ITSN1: variants seen among roughly 807,000 people sequenced by gnomAD.
ITSN1 encodes intersectin 1.
Under a neutral mutation model 239.8 loss-of-function variants are expected in ITSN1, and 58 were observed. The observed-to-expected ratio is 0.24, with a 90% CI of 0.20 to 0.30. ITSN1 has a LOEUF of 0.30. Among genes scored for constraint, ITSN1 ranks in the 10% least tolerant of loss-of-function variants. The pLI, the probability that ITSN1 is intolerant of heterozygous loss-of-function variation, is 1.00. For missense variants in ITSN1, 1,558 were observed against 2,103.3 expected (o/e 0.74, Z 5.07); for synonymous variants, 780 against 770.8 (o/e 1.01, Z -0.20).
chr21:33,874,303 G>A (rs545244306), intron 33 of ITSN1, among the ~76,000 whole-genome samples: 25 of 152,106 alleles, frequency 1.6e-4, no homozygotes, highest in Non-Finnish European at 2.2e-4. Flanking sequence ...TTAGAAAAGC[G>A]CACACTTGCT....
At position 33,766,043 on chromosome 21, in the gene ITSN1, T is replaced by C. The variant is rs773975634; in HGVS notation, c.926+31T>C. The C allele has an allele frequency of 3.7e-6, 6 of 1,611,938 alleles. No homozygotes were observed. In the South Asian group the frequency reaches 4.4e-5, roughly 12 times the overall value. The stretch of plus-strand genomic sequence containing the variant: ...GAACATGGGCTCTGATCAGGAATTG[T>C]ATGCGGAGTATATGAATTCCAAACT... On this transcript the variant is annotated intron_variant, in intron 10 of 39. Coordinates refer to ENST00000381318, the MANE Select transcript of ITSN1 (RefSeq NM_003024.3).
chr21:33,783,066 C>A (rs927814419), intron 16 of ITSN1, among the ~76,000 whole-genome samples: 1 of 151,920 alleles, frequency 6.6e-6, no homozygotes, highest in African/African-American at 2.4e-5. Context: ...AGAACACAAA[C>A]AGTTTATTTC....
intron 1 of ITSN1, among the ~76,000 whole-genome samples, chr21:33,715,579 C>CT (rs2065085323): frequency 6.6e-6 from 1 of 152,060 alleles, no homozygotes; most frequent in African/African-American, 2.4e-5. Context: ...ATCAAGGTTG[C>CT]CTATACAATA....
chr21:33,831,809 A>G (rs756613649), intron 27 of ITSN1, among the ~76,000 whole-genome samples: 1 of 152,178 alleles, frequency 6.6e-6, no homozygotes, highest in Non-Finnish European at 1.5e-5. Context: ...TTGCTGATGG[A>G]CACCCATAAA....
At chr21:33,831,963 C>T (rs2074317298) in intron 27 of ITSN1, among the ~76,000 whole-genome samples, 1 of 152,116 alleles carries the variant, frequency 6.6e-6, no homozygotes, top group African/African-American at 2.4e-5. Context: ...TAGAGTTGTG[C>T]TGTATCACCC....
rs1436327606 is a variant in ITSN1 at position 33,898,468 on chromosome 21, A to G, written c.*10168A>G. ...CAGAAGTCCAGGCTGCTTCTGGGGC[A>G]CAGACTTTCTGTACTTGGCCACCAG... On this transcript the variant is annotated 3_prime_UTR_variant, in exon 40 of 40. Coordinates refer to ENST00000381318, the MANE Select transcript of ITSN1 (RefSeq NM_003024.3). 1 of 152,218 alleles carries G rather than the reference A, an allele frequency of 6.6e-6. No individual in the cohort carries two copies. Among genetic ancestry groups the G allele is most frequent in the Non-Finnish European group, 1.5e-5 (1 of 68,046 alleles). 9.4% of individuals were successfully genotyped at this position (152,218 alleles called of 1,614,324 possible). A position where few individuals can be genotyped will look rare whatever the true frequency, so the allele number is the denominator to read the frequency against.
At chr21:33,829,031 T>G (rs1434876440) in intron 26 of ITSN1, 1 of 469,904 alleles carries the variant, frequency 2.1e-6, no homozygotes, top group East Asian at 6.9e-5. Context: ...CACCTGATAT[T>G]CAGGGATCAC....
chr21:33,850,988 G>C (rs1239106648), intron 29 of ITSN1, among the ~76,000 whole-genome samples: 2 of 152,212 alleles, frequency 1.3e-5, no homozygotes, highest in East Asian at 3.8e-4. Context: ...CATTGAGCCA[G>C]AGGATTTGGG....
intron 20 of ITSN1, among the ~76,000 whole-genome samples, chr21:33,805,991 C>G (rs1229166963): frequency 7.1e-6 from 1 of 140,162 alleles, no homozygotes; most frequent in African/African-American, 2.7e-5. Flanking sequence ...ATCACAAGGT[C>G]AGGAGATTGA....
At chr21:33,651,965 A>G (rs2088575242) in intron 1 of ITSN1, among the ~76,000 whole-genome samples, 1 of 152,272 alleles carries the variant, frequency 6.6e-6, no homozygotes, top group South Asian at 2.1e-4. Context: ...AATTTAAAAA[A>G]TAACATGTTT....
At chr21:33,774,336 A>T (rs759050392) in intron 12 of ITSN1, 1 of 156,318 alleles carries the variant, frequency 6.4e-6, no homozygotes, top group African/African-American at 2.4e-5. Flanking sequence ...AGTAAAATCA[A>T]CTCTTGTTTG....
At chr21:33,699,141 A>T (rs1179161370) in intron 1 of ITSN1, among the ~76,000 whole-genome samples, 1 of 152,084 alleles carries the variant, frequency 6.6e-6, no homozygotes, top group African/African-American at 2.4e-5. Context: ...AGATATTTAA[A>T]ATATACACAT....
At chr21:33,679,267 T>A (rs916668633) in intron 1 of ITSN1, among the ~76,000 whole-genome samples, 3 of 152,224 alleles carry the variant, frequency 2.0e-5, no homozygotes, top group Non-Finnish European at 4.4e-5. Flanking sequence ...ATTTGTGTTC[T>A]CTTATTCCTA....
At chr21:33,854,000 A>C (rs187926092) in intron 29 of ITSN1, among the ~76,000 whole-genome samples, 2 of 152,266 alleles carry the variant, frequency 1.3e-5, no homozygotes, top group East Asian at 3.9e-4. Flanking sequence ...TCTGTCCTGA[A>C]TCCCCAGCAC....
At chr21:33,862,645 C>A (rs1295866887) in intron 31 of ITSN1, among the ~76,000 whole-genome samples, 1 of 152,100 alleles carries the variant, frequency 6.6e-6, no homozygotes, top group Non-Finnish European at 1.5e-5. Context: ...GTGCCCAGAG[C>A]AGCTTGGAGG....
chr21:33,740,846 C>T (rs2066803193), intron 5 of ITSN1, among the ~76,000 whole-genome samples: 1 of 152,058 alleles, frequency 6.6e-6, no homozygotes, highest in South Asian at 2.1e-4. Context: ...TGGAGGATTG[C>T]TTGAGGCTCC....
chr21:33,818,209 C>T, intron 22 of ITSN1, 58 bp from the exon 23 acceptor site: 1 of 1,450,234 alleles, frequency 6.9e-7, no homozygotes, highest in Non-Finnish European at 9.7e-7. Context: ...CTCACGTCTG[C>T]CCTAATTGAT....
At chr21:33,689,825 G>A (rs551603979) in intron 1 of ITSN1, among the ~76,000 whole-genome samples, 6 of 151,922 alleles carry the variant, frequency 3.9e-5, no homozygotes, top group South Asian at 2.1e-4. Flanking sequence ...AAAGTTAGCC[G>A]GGCATGGTGG....
intron 4 of ITSN1, among the ~76,000 whole-genome samples, chr21:33,732,198 A>C (rs373723480): frequency 6.6e-6 from 1 of 152,292 alleles, no homozygotes; most frequent in African/African-American, 2.4e-5. Context: ...CCGGTAGTAG[A>C]CTTCAGAGAA....
Sources: gnomAD v4.1 joint callset for allele counts (sites outside exome capture counted in the v4.1 genomes callset) on GRCh38, gnomAD v4.1.1 for gene constraint, MANE v1.5 for transcripts, NCBI Gene and HGNC (gene_info 2026-07-23, HGNC 2026-07-21) for gene names.